NCOA2: variants seen among roughly 807,000 people sequenced by gnomAD.
The protein encoded by NCOA2 is nuclear receptor coactivator 2, also known as class E basic helix-loop-helix protein 75.
NCOA2 carries 21 observed loss-of-function variants against 145.1 expected under a neutral mutation model. That is an observed-to-expected ratio of 0.14 (90% CI 0.10 to 0.21). NCOA2 has a LOEUF of 0.21. NCOA2 is among the 10% of genes least tolerant of loss of function. The pLI is 1.00. For synonymous variants in NCOA2, 619 were observed against 637.5 expected (o/e 0.97, Z 0.44); for missense variants, 1,472 against 1,837.6 (o/e 0.80, Z 3.64).
Position 70,156,285 on chromosome 8 carries a change from A to G in NCOA2, c.2080T>C (p.Leu694=). 3.1e-6 allele frequency: 5 copies of G among 1,613,912 alleles called. No homozygotes were observed. The highest frequency in any genetic ancestry group is 4.2e-6 in the Non-Finnish European group (5 of 1,179,874). ...KEKHKILHRL[L]QDSSSPVDLA... ...TCCACAGGGGAACTGCTGTCCTGCA[A>G]GAGTCTGTGCAAAATTTTATGCTTC... Residue 694 remains leucine (L), a synonymous_variant, in exon 11 of 23, where the codon TTG becomes CTG. Transcript: ENST00000452400.
intron 1 of NCOA2, among the ~76,000 whole-genome samples, chr8:70,302,525 CA>C (rs752064944): frequency 8.5e-5 from 13 of 152,148 alleles, no homozygotes; most frequent in Admixed American, 2.0e-4. Flanking sequence ...AGAATCATGG[CA>C]AAACTCCCTT....
At chr8:70,204,019 T>C (rs2133625238) in intron 4 of NCOA2, among the ~76,000 whole-genome samples, 1 of 148,424 alleles carries the variant, frequency 6.7e-6, no homozygotes, top group East Asian at 2.0e-4. Context: ...ATAGGATTCT[T>C]TTTTTTTTTT....
At chr8:70,427,628 G>A in the NCOA2 span, among the ~76,000 whole-genome samples, 3 of 152,294 alleles carry the variant, frequency 2.0e-5, no homozygotes, top group African/African-American at 7.2e-5. Context: ...ATAAAAAGTT[G>A]AGTAGTGATT....
Position 70,369,087 on chromosome 8 carries a change from G to A in NCOA2, c.-77+34613C>T, listed in dbSNP as rs935578309. Among the ~76,000 whole-genome samples, 5 of 152,174 alleles carry A rather than the reference G, an allele frequency of 3.3e-5. No homozygotes were observed. The East Asian group carries it at 9.6e-4, about 29-fold the overall frequency. Reference sequence around the variant, plus strand: ...TTTACCCATTTCTTTAGAGTTAACAGTATGCCTAAAATAATAAACTTGAGC... The same window carrying A: ...TTTACCCATTTCTTTAGAGTTAACAATATGCCTAAAATAATAAACTTGAGC... On this transcript the variant is annotated intron_variant, in intron 1 of 22. Coordinates refer to ENST00000452400, the MANE Select transcript of NCOA2 (RefSeq NM_006540.4).
intron 15 of NCOA2, among the ~76,000 whole-genome samples, chr8:70,136,709 G>T (rs185554743): frequency 6.6e-6 from 1 of 152,222 alleles, no homozygotes; most frequent in East Asian, 1.9e-4. Context: ...AAAAAACCTG[G>T]TTCCTAAATA....
chr8:70,196,042 T>C (rs951420438), intron 4 of NCOA2, among the ~76,000 whole-genome samples: 1 of 152,342 alleles, frequency 6.6e-6, no homozygotes, highest in South Asian at 2.1e-4. Flanking sequence ...ATAGTGTTCA[T>C]GGCCATGAGG....
intron 2 of NCOA2, among the ~76,000 whole-genome samples, chr8:70,258,541 ACTC>A (rs1385378408): frequency 4.0e-5 from 6 of 151,896 alleles, no homozygotes; most frequent in Admixed American, 3.3e-4. Flanking sequence ...AATATTTTTA[ACTC>A]CTTTTTTCTC....
At chr8:70,231,264 G>T (rs1240011832) in intron 2 of NCOA2, among the ~76,000 whole-genome samples, 1 of 152,204 alleles carries the variant, frequency 6.6e-6, no homozygotes, top group Non-Finnish European at 1.5e-5. Flanking sequence ...ATTATGGTGT[G>T]ACACTGTTTC....
chr8:70,401,183 C>T (rs1456394151), intron 1 of NCOA2, among the ~76,000 whole-genome samples: 1 of 152,106 alleles, frequency 6.6e-6, no homozygotes, highest in African/African-American at 2.4e-5. Flanking sequence ...GCAGAGCAAC[C>T]TGTGATCTTT....
At chr8:70,213,180 G>A (rs1052209404) in intron 4 of NCOA2, among the ~76,000 whole-genome samples, 4 of 149,980 alleles carry the variant, frequency 2.7e-5, no homozygotes, top group Non-Finnish European at 5.9e-5. Flanking sequence ...GATACTTCAA[G>A]AGCATATATT....
intron 2 of NCOA2, among the ~76,000 whole-genome samples, chr8:70,227,948 G>A (rs1359498581): frequency 6.6e-6 from 1 of 150,848 alleles, no homozygotes; most frequent in East Asian, 1.9e-4. Flanking sequence ...CCTGGGAGGT[G>A]GAGGTCGCAG....
chr8:70,427,136 A>G, the NCOA2 span, among the ~76,000 whole-genome samples: 1 of 152,104 alleles, frequency 6.6e-6, no homozygotes, highest in East Asian at 1.9e-4. Context: ...AATTATATTC[A>G]GTATGTATTA....
intron 1 of NCOA2, among the ~76,000 whole-genome samples, chr8:70,386,318 G>A (rs941955988): frequency 2.0e-5 from 3 of 152,116 alleles, no homozygotes; most frequent in African/African-American, 4.8e-5. Flanking sequence ...TAGACTCTTG[G>A]ATGAGAGACT....
At chr8:70,415,118 C>T in the NCOA2 span, among the ~76,000 whole-genome samples, 367 of 152,022 alleles carry the variant, frequency 2.4e-3, 2 homozygotes, top group African/African-American at 8.3e-3. Flanking sequence ...GCCTGGGCAA[C>T]ATGGCAAGGC....
chr8:70,132,924 C>CA (rs1329503604), intron 15 of NCOA2, among the ~76,000 whole-genome samples: 4 of 152,094 alleles, frequency 2.6e-5, no homozygotes, highest in African/African-American at 9.7e-5. Context: ...GCATTAGGTA[C>CA]ATAAGGAAAG....
At position 70,297,330 on chromosome 8, in the gene NCOA2, ATC is replaced by A. The variant is rs1827167103; in HGVS notation, c.-76-532_-76-531del. Among the ~76,000 whole-genome samples the A allele has an allele frequency of 2.0e-5, 3 of 151,930 alleles. No individual in the cohort carries two copies. The South Asian group carries it at 6.2e-4, about 31-fold the overall frequency. ...TAAATAATTTCTTATCTCAAGAATT[ATC>A]TTTTATTTTCCCCCCTTCAGAGACA... On this transcript the variant is annotated intron_variant, in intron 1 of 22. Transcript: ENST00000452400.
Position 70,311,281 on chromosome 8 carries a change from AAAGTGGTAAC to A in NCOA2, c.-76-14491_-76-14482del, listed in dbSNP as rs1439356032. Among the ~76,000 whole-genome samples the A allele has an allele frequency of 2.0e-5, 3 of 152,262 alleles. No homozygotes were observed. In the East Asian group the frequency reaches 5.8e-4, roughly 29 times the overall value. On this transcript the variant is annotated intron_variant, in intron 1 of 22. Transcript: ENST00000452400. ...TATTTTAAAAGGAATAGGGTGGGGG[AAAGTGGTAAC>A]AAGTGCTATGTGCTCTAAATGTCAG... is the stretch of plus-strand genomic sequence containing the variant.
chr8:70,354,072 CA>C (rs775063351), intron 1 of NCOA2, among the ~76,000 whole-genome samples: 5 of 152,168 alleles, frequency 3.3e-5, no homozygotes, highest in Non-Finnish European at 5.9e-5. Flanking sequence ...TTTATTTGCA[CA>C]ATCTACCTTC....
chr8:70,159,249 T>C (rs1393743203), intron 10 of NCOA2, among the ~76,000 whole-genome samples: 2 of 131,408 alleles, frequency 1.5e-5, no homozygotes, highest in African/African-American at 2.8e-5. Context: ...TATATTTTTT[T>C]TTTTTTCCCC....
Sources: gnomAD v4.1 joint callset for allele counts (sites outside exome capture counted in the v4.1 genomes callset) on GRCh38, gnomAD v4.1.1 for gene constraint, MANE v1.5 for transcripts, NCBI Gene and HGNC (gene_info 2026-07-23, HGNC 2026-07-21) for gene names.